The following RNF144A variants were observed in gnomAD, a reference collection of about 807,000 sequenced individuals.
RNF144A encodes the protein ring finger protein 144A.
In RNF144A, 11 loss-of-function variants were observed where a neutral mutation model predicts 38.7. The observed-to-expected ratio is 0.28, with a 90% confidence interval of 0.18 to 0.47. The LOEUF (loss-of-function observed/expected upper bound fraction) is 0.47. RNF144A is among the 20% of genes least tolerant of loss of function. The pLI, the probability that RNF144A is intolerant of heterozygous loss-of-function variation, is 0.99. For synonymous variants in RNF144A, 149 were observed against 143.9 expected (o/e 1.04, Z -0.25); for missense variants, 316 against 377.2 (o/e 0.84, Z 1.34).
chr2:7,023,633 G>T (rs1671680287), intron 6 of RNF144A, among the ~76,000 whole-genome samples: 1 of 152,212 alleles, frequency 6.6e-6, no homozygotes, highest in Non-Finnish European at 1.5e-5. Context: ...CCTAATGTCT[G>T]TGTTATCTTT....
rs576700156 is a variant in RNF144A, at chr2:7,057,178, A to G, written c.735-11038A>G. ...CTGTGCCATACAGACCTTTCTATAT[A>G]CCCTATACAACAGATTGAAACAATG... On this transcript the variant is annotated intron_variant, in intron 6 of 6. Transcript: ENST00000432850. 3.3e-5 allele frequency among the ~76,000 whole-genome samples: 5 copies of G among 152,278 alleles called. No homozygotes were observed. The South Asian group carries it at 1.0e-3, about 32-fold the overall frequency.
chr2:7,006,533 G>A (rs1572386813), intron 3 of RNF144A, among the ~76,000 whole-genome samples: 1 of 152,014 alleles, frequency 6.6e-6, no homozygotes, highest in African/African-American at 2.4e-5. Context: ...TGCCCGTACT[G>A]GCCTCAGAGG....
At chr2:6,978,035 A>G (rs1668416269) in intron 2 of RNF144A, among the ~76,000 whole-genome samples, 1 of 152,180 alleles carries the variant, frequency 6.6e-6, no homozygotes, top group Admixed American at 6.5e-5. Context: ...TGGGGAACCC[A>G]TAGAACTGCA....
intron 6 of RNF144A, among the ~76,000 whole-genome samples, chr2:7,051,698 G>C (rs1481927326): frequency 6.6e-6 from 1 of 152,210 alleles, no homozygotes; most frequent in African/African-American, 2.4e-5. Flanking sequence ...AGACCAGCCT[G>C]GCCAACATGG....
intron 2 of RNF144A, among the ~76,000 whole-genome samples, chr2:6,989,613 A>G (rs771265): frequency 0.3 from 45,141 of 151,884 alleles, 6,909 homozygotes; most frequent in African/African-American, 0.34. Flanking sequence ...TTTAAATTGC[A>G]TGCATTAAGG....
chr2:6,992,151 A>G (rs1669428737), intron 2 of RNF144A, among the ~76,000 whole-genome samples: 1 of 152,116 alleles, frequency 6.6e-6, no homozygotes, highest in Non-Finnish European at 1.5e-5. Flanking sequence ...AGTGAGATAG[A>G]CTTGGTTGGA....
intron 2 of RNF144A, among the ~76,000 whole-genome samples, chr2:6,968,689 A>C (rs562240996): frequency 2.5e-5 from 3 of 119,998 alleles, no homozygotes; most frequent in African/African-American, 9.4e-5. Flanking sequence ...TTACCTGTCA[A>C]TGTGTTTTTT....
downstream of RNF144A, among the ~76,000 whole-genome samples, chr2:7,045,882 G>A (rs1349971700): frequency 7.1e-6 from 1 of 140,380 alleles, no homozygotes; most frequent in African/African-American, 2.6e-5. Flanking sequence ...TTCTTGAAGC[G>A]GGCCTGGAAT....
chr2:7,034,361 C>T (rs932614802), intron 8 of RNF144A, among the ~76,000 whole-genome samples: 1 of 152,140 alleles, frequency 6.6e-6, no homozygotes, highest in African/African-American at 2.4e-5. Context: ...CAAGCTGTAG[C>T]AAGCGACAGC....
exon 7 of RNF144A, chr2:7,068,240 A>G: frequency 1.5e-6 from 2 of 1,302,642 alleles, no homozygotes; most frequent in East Asian, 5.6e-5. Flanking sequence ...AGAGAAATGC[A>G]TTCTCCATAA....
intron 7 of RNF144A, among the ~76,000 whole-genome samples, chr2:7,026,189 A>G (rs754154316): frequency 6.6e-6 from 1 of 152,240 alleles, no homozygotes; most frequent in Non-Finnish European, 1.5e-5. Context: ...TATAAAGGCT[A>G]CCTTTAAAAA....
intron 3 of RNF144A, among the ~76,000 whole-genome samples, chr2:7,012,359 T>C (rs1223030398): frequency 6.6e-6 from 1 of 152,134 alleles, no homozygotes; most frequent in African/African-American, 2.4e-5. Context: ...GGCCTTCTGG[T>C]TTTATTGTCA....
At chr2:6,957,000 T>C (rs981944266) in intron 2 of RNF144A, among the ~76,000 whole-genome samples, 2 of 152,300 alleles carry the variant, frequency 1.3e-5, no homozygotes, top group African/African-American at 4.8e-5. Flanking sequence ...CCTGAACGTG[T>C]GAGGAAGCTC....
At chr2:7,046,124 A>T (rs1673298947), downstream of RNF144A, among the ~76,000 whole-genome samples, 1 of 151,542 alleles carries the variant, frequency 6.6e-6, no homozygotes, top group Admixed American at 6.6e-5. Context: ...TCTAAACTTG[A>T]CTTGTTTGCA....
intron 2 of RNF144A, among the ~76,000 whole-genome samples, chr2:6,975,829 A>C (rs1010906956): frequency 9.2e-5 from 14 of 152,380 alleles, no homozygotes; most frequent in Non-Finnish European, 2.1e-4. Flanking sequence ...CTGTCTCAAA[A>C]AATGAAAGAA....
intron 2 of RNF144A, among the ~76,000 whole-genome samples, chr2:6,995,904 T>G (rs1669704674): frequency 6.6e-6 from 1 of 152,206 alleles, no homozygotes; most frequent in South Asian, 2.1e-4. Context: ...TCCTGAGCAC[T>G]TGCTGTGTGC....
chr2:6,940,431 G>C (rs889668784), intron 1 of RNF144A, among the ~76,000 whole-genome samples: 5 of 152,154 alleles, frequency 3.3e-5, no homozygotes, highest in African/African-American at 1.2e-4. Context: ...TACTGATAAC[G>C]CTGAATTTAT....
At chr2:7,017,320 T>TC (rs1671206371) in intron 5 of RNF144A, among the ~76,000 whole-genome samples, 2 of 60,370 alleles carry the variant, frequency 3.3e-5, no homozygotes, top group African/African-American at 1.1e-4. Flanking sequence ...TTTTGTTCTT[T>TC]GTTTTTTTTT....
At chr2:7,011,992 A>G (rs1260952431) in intron 3 of RNF144A, among the ~76,000 whole-genome samples, 2 of 152,200 alleles carry the variant, frequency 1.3e-5, no homozygotes, top group East Asian at 3.8e-4. Flanking sequence ...TACTTGTTGC[A>G]TATGGGTGTA....
Sources: gnomAD v4.1 joint callset for allele counts (sites outside exome capture counted in the v4.1 genomes callset) on GRCh38, gnomAD v4.1.1 for gene constraint, MANE v1.5 for transcripts, NCBI Gene and HGNC (gene_info 2026-07-23, HGNC 2026-07-21) for gene names.